Variants in SYT2 observed in about 807,000 individuals in gnomAD.
SYT2 encodes the protein synaptotagmin-2.
SYT2 carries 15 observed loss-of-function variants against 39.9 expected under a neutral mutation model. That is an observed-to-expected ratio of 0.38 (90% CI 0.25 to 0.58). The LOEUF (loss-of-function observed/expected upper bound fraction) is 0.58. Among genes scored for constraint, SYT2 ranks in the 20% least tolerant of loss-of-function variants. SYT2 has a pLI of 0.70. For missense variants in SYT2, 389 were observed against 530.3 expected (o/e 0.73, Z 2.62); for synonymous variants, 181 against 204.5 (o/e 0.89, Z 0.98).
intron 1 of SYT2, among the ~76,000 whole-genome samples, chr1:202,652,695 C>T (rs558097930): frequency 1.3e-5 from 2 of 152,314 alleles, no homozygotes; most frequent in Middle Eastern, 3.4e-3. Context: ...GGCCGGGCAT[C>T]AGTCATTCTC....
rs111872588 is a variant in SYT2, at chr1:202,678,992, C to T, written c.-18+31266G>A. ...GAGGTCCCCAGTGGCCTCTGAAATG[C>T]CGGTTCTCAAGGACACTTCTGCCCC... On this transcript the variant is annotated intron_variant, in intron 1 of 8. Coordinates refer to ENST00000367268, the MANE Select transcript of SYT2 (RefSeq NM_177402.5). Among the ~76,000 whole-genome samples the T allele has an allele frequency of 8.3e-3, 1,261 of 152,316 alleles. 14 individuals are homozygous for T. The highest frequency in any genetic ancestry group is 0.028 in the African/African-American group (1,182 of 41,556).
At chr1:202,672,872 C>A (rs1305350020) in intron 1 of SYT2, among the ~76,000 whole-genome samples, 1 of 147,034 alleles carries the variant, frequency 6.8e-6, no homozygotes, top group Admixed American at 6.8e-5. Flanking sequence ...ATTCAAGAAA[C>A]CCAACAAATC....
At position 202,696,281 on chromosome 1, in the gene SYT2, G is replaced by C. The variant is rs546036772; in HGVS notation, c.-18+13977C>G. Among the ~76,000 whole-genome samples the C allele has an allele frequency of 1.8e-4, 28 of 152,112 alleles. No individual in the cohort carries two copies. In the South Asian group the frequency reaches 3.5e-3, roughly 19 times the overall value. ...CAGGGGTGGTGTAACATATGTACCA[G>C]GTGCACACACCCCTGGCAGTGCCAG... On this transcript the variant is annotated intron_variant, in intron 1 of 8. Transcript: ENST00000367268.
At chr1:202,691,538 T>A (rs182361886) in intron 1 of SYT2, among the ~76,000 whole-genome samples, 3 of 151,508 alleles carry the variant, frequency 2.0e-5, no homozygotes, top group African/African-American at 7.3e-5. Flanking sequence ...CAGTTCCAGC[T>A]ACCTGGGAGG....
intron 1 of SYT2, among the ~76,000 whole-genome samples, chr1:202,675,257 A>C (rs1332599542): frequency 1.3e-5 from 2 of 152,106 alleles, no homozygotes; most frequent in Non-Finnish European, 2.9e-5. Flanking sequence ...GCAGTCATTC[A>C]TTTAACAAAT....
chr1:202,682,585 A>C (rs1443600909), intron 1 of SYT2, among the ~76,000 whole-genome samples: 1 of 152,116 alleles, frequency 6.6e-6, no homozygotes, highest in Non-Finnish European at 1.5e-5. Context: ...TTTCCAGGTG[A>C]AGAACACACC....
At chr1:202,667,153 C>T (rs1055623357) in intron 1 of SYT2, among the ~76,000 whole-genome samples, 3 of 152,132 alleles carry the variant, frequency 2.0e-5, no homozygotes, top group South Asian at 4.2e-4. Context: ...AAGACTCAAC[C>T]GAAAGGAAAA....
intron 2 of SYT2, chr1:202,605,390 G>T: frequency 2.3e-6 from 1 of 431,540 alleles, no homozygotes; most frequent in South Asian, 7.9e-5. Context: ...AGAAGTTGAC[G>T]CACATAAACC....
chr1:202,642,167 C>T (rs1206733819), intron 1 of SYT2, among the ~76,000 whole-genome samples: 1 of 151,820 alleles, frequency 6.6e-6, no homozygotes, highest in Non-Finnish European at 1.5e-5. Context: ...CAGTGAGTTG[C>T]CCAAGGTCAT....
intron 1 of SYT2, among the ~76,000 whole-genome samples, chr1:202,669,902 A>G (rs1209198947): frequency 6.6e-6 from 1 of 152,162 alleles, no homozygotes; most frequent in African/African-American, 2.4e-5. Flanking sequence ...TAACCGAGGC[A>G]CTGTCATCTG....
intron 1 of SYT2, among the ~76,000 whole-genome samples, chr1:202,688,598 C>A (rs775343592): frequency 2.6e-5 from 4 of 152,234 alleles, no homozygotes; most frequent in Non-Finnish European, 5.9e-5. Context: ...GTTAAGCAAG[C>A]ATTACTCATC....
intron 1 of SYT2, chr1:202,639,758 C>A: frequency 1.0e-6 from 1 of 985,442 alleles, no homozygotes; most frequent in Non-Finnish European, 1.2e-6. Context: ...GGCCCCATGA[C>A]GAAGACTAGA....
chr1:202,654,322 C>T (rs1422114664), intron 1 of SYT2, among the ~76,000 whole-genome samples: 1 of 152,182 alleles, frequency 6.6e-6, no homozygotes, highest in African/African-American at 2.4e-5. Context: ...AACTCTGCTG[C>T]CCACGCTCCC....
Position 202,602,111 on chromosome 1 carries a change from G to T in SYT2, c.634-54C>A, listed in dbSNP as rs539334532. On this transcript the variant is annotated intron_variant, in intron 5 of 8. Transcript: ENST00000367268. ...GCCAGAGCGACTCACGCACCTCCAG[G>T]GGTGCTATGGGCAGGGGCCTGCATT... The T allele has an allele frequency of 5.7e-6, 9 of 1,592,790 alleles. No individual in the cohort carries two copies. The South Asian group carries it at 9.0e-5, about 16-fold the overall frequency.
At chr1:202,665,023 A>ATTTAT (rs1310059956) in intron 1 of SYT2, among the ~76,000 whole-genome samples, 3 of 152,200 alleles carry the variant, frequency 2.0e-5, no homozygotes, top group African/African-American at 7.2e-5. Context: ...CATTCTTTTT[A>ATTTAT]TTACTGAATA....
intron 1 of SYT2, among the ~76,000 whole-genome samples, chr1:202,637,307 A>C (rs914542193): frequency 6.6e-6 from 1 of 152,192 alleles, no homozygotes; most frequent in Non-Finnish European, 1.5e-5. Context: ...AGCCGTGATC[A>C]CACCACTGCA....
chr1:202,697,838 T>G (rs1654012980), intron 1 of SYT2, among the ~76,000 whole-genome samples: 1 of 152,198 alleles, frequency 6.6e-6, no homozygotes, highest in South Asian at 2.1e-4. Context: ...TCAATAGAGC[T>G]GGAAAAAATA....
Position 202,600,465 on chromosome 1 carries a change from G to A in SYT2, c.811C>T (p.Leu271=). ...QGGEKEEPEK[L]GDICTSLRYV... The stretch of plus-strand genomic sequence containing the variant: ...CGCAGGGAGGTGCAGATGTCGCCCA[G>A]CTTCTCCGGCTGTCCAGGGGAAGAG... Residue 271 remains leucine, a synonymous_variant, in exon 7 of 9, where the codon CTG becomes TTG. Coordinates refer to ENST00000367268, the MANE Select transcript of SYT2 (RefSeq NM_177402.5). 2 of 1,614,160 alleles carry A rather than the reference G, an allele frequency of 1.2e-6. No individual in the cohort carries two copies. Among genetic ancestry groups the A allele is most frequent in the Non-Finnish European group, 1.7e-6 (2 of 1,180,000 alleles).
rs528283009 is a variant in SYT2, at chr1:202,683,459, C to A, written c.-18+26799G>T. 5.2e-4 allele frequency among the ~76,000 whole-genome samples: 79 copies of A among 152,188 alleles called. 1 individual carries two copies. The South Asian group carries it at 8.7e-3, about 17-fold the overall frequency. ...CCAGTCACAAAAGAGTGTATACTGG[C>A]GAATGTGGTGGCTCTCGCCTGTAAT... is the stretch of plus-strand genomic sequence containing the variant. On this transcript the variant is annotated intron_variant, in intron 1 of 8. Transcript: ENST00000367268.
Sources: allele counts gnomAD v4.1 joint callset (sites outside exome capture counted in the v4.1 genomes callset), GRCh38; gene constraint gnomAD v4.1.1; transcripts MANE v1.5; gene names NCBI Gene and HGNC (gene_info 2026-07-23, HGNC 2026-07-21).